The following USP32 variants were observed in gnomAD, a reference collection of about 807,000 sequenced individuals.
The protein encoded by USP32 is ubiquitin specific peptidase 32.
In USP32, 59 loss-of-function variants were observed where a neutral mutation model predicts 204.8. The observed-to-expected ratio is 0.29, with a 90% CI of 0.23 to 0.36. The LOEUF (loss-of-function observed/expected upper bound fraction) is 0.36. USP32 is among the 10% of genes least tolerant of loss of function. USP32 has a pLI of 1.00. For missense variants in USP32, 1,160 were observed against 1,946.4 expected (o/e 0.60, Z 7.60); for synonymous variants, 517 against 678.4 (o/e 0.76, Z 3.70).
chr17:60,183,334 AGCC>A lies in USP32; in HGVS notation c.3951_3953del (p.Ala1318del). The stretch of plus-strand genomic sequence containing the variant: ...GTGTGAGTGGTTTATGCTGGCAGAG[AGCC>A]GGGTCTCTTGGTACCAAAAAAGCAC... On this transcript the variant is annotated inframe_deletion, in exon 31 of 34. Transcript: ENST00000300896. The A allele has an allele frequency of 6.2e-7, 1 of 1,613,976 alleles. No homozygotes were observed. Among genetic ancestry groups the A allele is most frequent in the Non-Finnish European group, 8.5e-7 (1 of 1,179,852 alleles).
intron 26 of USP32, among the ~76,000 whole-genome samples, chr17:60,204,924 C>T (rs2084783512): frequency 6.6e-6 from 1 of 151,678 alleles, no homozygotes; most frequent in African/African-American, 2.4e-5. Context: ...TAGGCACACA[C>T]CATCATGGCT....
chr17:60,245,587 T>C, intron 11 of USP32: 1 of 312,420 alleles, frequency 3.2e-6, no homozygotes, highest in South Asian at 3.4e-5. Context: ...TGGTGCTGGA[T>C]GAAATTCTTG....
At chr17:60,215,061 A>G (rs1385905129) in intron 16 of USP32, among the ~76,000 whole-genome samples, 1 of 151,964 alleles carries the variant, frequency 6.6e-6, no homozygotes, top group African/African-American at 2.4e-5. Flanking sequence ...TCCACCTCCA[A>G]GGCTCAAGCA....
At chr17:60,414,720 C>G (rs937858470) in intron 1 of USP32, among the ~76,000 whole-genome samples, 1 of 152,148 alleles carries the variant, frequency 6.6e-6, no homozygotes, top group Non-Finnish European at 1.5e-5. Context: ...TGAGCCACCA[C>G]GCCCAGCCAG....
rs143215341 is a variant in USP32 at position 60,276,260 on chromosome 17, G to A, written c.572-4779C>T. On this transcript the variant is annotated intron_variant, in intron 5 of 33. Coordinates refer to ENST00000300896, the MANE Select transcript of USP32 (RefSeq NM_032582.4). ...AAATGTAAAACTCATACTAAAGAAT[G>A]CTGTTTTCGTTTTTTAATGCTGAAG... 2.6e-5 allele frequency among the ~76,000 whole-genome samples: 4 copies of A among 152,134 alleles called. No individual in the cohort carries two copies. In the East Asian group the frequency reaches 7.7e-4, roughly 29 times the overall value.
At chr17:60,222,742 C>T (rs1009984094) in intron 14 of USP32, among the ~76,000 whole-genome samples, 193 bp from the exon 15 acceptor site, 4 of 143,116 alleles carry the variant, frequency 2.8e-5, no homozygotes, top group Non-Finnish European at 6.0e-5. Flanking sequence ...AGTACAGTGG[C>T]GCGATCTTCG....
At chr17:60,258,396 AG>A (rs2086369140) in intron 9 of USP32, 1 of 171,870 alleles carries the variant, frequency 5.8e-6, no homozygotes, top group African/African-American at 2.4e-5. Context: ...TCAAGAAGAA[AG>A]GGAAGGTCTT....
intron 1 of USP32, among the ~76,000 whole-genome samples, chr17:60,413,276 A>G (rs892421373): frequency 6.6e-6 from 1 of 152,194 alleles, no homozygotes; most frequent in African/African-American, 2.4e-5. Flanking sequence ...CACCTGGCCC[A>G]GCAAAAAGAA....
chr17:60,404,043 A>T (rs1329071046), intron 1 of USP32, among the ~76,000 whole-genome samples: 2 of 151,338 alleles, frequency 1.3e-5, no homozygotes, highest in East Asian at 3.9e-4. Context: ...CTGCCTCAAA[A>T]AAAAAAAAAA....
chr17:60,316,250 C>CAAA (rs139834899), intron 2 of USP32: 2 of 143,498 alleles, frequency 1.4e-5, no homozygotes, highest in Non-Finnish European at 3.0e-5. Flanking sequence ...ATTTCATTCT[C>CAAA]AAAAAAAAAA....
intron 26 of USP32, 98 bp from the exon 27 acceptor site, chr17:60,198,542 C>T: frequency 7.3e-7 from 1 of 1,374,382 alleles, no homozygotes; most frequent in South Asian, 1.3e-5. Flanking sequence ...GCACTATCAC[C>T]ATTTCAAATC....
intron 2 of USP32, chr17:60,305,175 G>T: frequency 6.6e-6 from 1 of 152,284 alleles, no homozygotes; most frequent in South Asian, 2.1e-4. Context: ...AAGAAAAGAG[G>T]TTTTTTTGGC....
At chr17:60,295,884 G>C (rs1172153203) in intron 3 of USP32, among the ~76,000 whole-genome samples, 1 of 152,104 alleles carries the variant, frequency 6.6e-6, no homozygotes, top group Non-Finnish European at 1.5e-5. Flanking sequence ...ACATCCACTG[G>C]GAGGGTCTTG....
intron 3 of USP32, among the ~76,000 whole-genome samples, chr17:60,297,046 A>T (rs964747695): frequency 2.0e-5 from 3 of 152,116 alleles, no homozygotes; most frequent in Non-Finnish European, 2.9e-5. Context: ...AAAATCCCAA[A>T]TTGTAAACAA....
intron 19 of USP32, 29 bp downstream of exon 19, chr17:60,211,988 AAATAATC>A (rs1342308092): frequency 6.7e-7 from 1 of 1,494,140 alleles, no homozygotes; most frequent in Non-Finnish European, 9.1e-7. Flanking sequence ...AATACATTTA[AAATAATC>A]TCTTTAAAAA....
chr17:60,315,486 T>C (rs2087951518), intron 2 of USP32, among the ~76,000 whole-genome samples: 2 of 152,164 alleles, frequency 1.3e-5, no homozygotes. Flanking sequence ...ACACTGTTGA[T>C]GGAAATGTAA....
intron 2 of USP32, among the ~76,000 whole-genome samples, chr17:60,321,926 C>T (rs1163867570): frequency 2.0e-5 from 3 of 150,428 alleles, no homozygotes; most frequent in African/African-American, 4.9e-5. Flanking sequence ...TGTCTTTGAC[C>T]TTTGCCACAA....
chr17:60,327,366 G>A (rs777848581), intron 2 of USP32, among the ~76,000 whole-genome samples: 1 of 148,754 alleles, frequency 6.7e-6, no homozygotes, highest in Non-Finnish European at 1.5e-5. Flanking sequence ...TGTGCTCCAC[G>A]TCACCGAAGC....
intron 1 of USP32, among the ~76,000 whole-genome samples, chr17:60,351,942 C>CA (rs199740646): frequency 0.012 from 1,684 of 145,460 alleles, 34 homozygotes; most frequent in Middle Eastern, 0.046. Context: ...GTTCACCTGG[C>CA]AAAAAAAAAC....
Sources: gnomAD v4.1 joint callset for allele counts (sites outside exome capture counted in the v4.1 genomes callset) on GRCh38, gnomAD v4.1.1 for gene constraint, MANE v1.5 for transcripts, NCBI Gene and HGNC (gene_info 2026-07-23, HGNC 2026-07-21) for gene names.